WDPCP: variants seen among roughly 807,000 people sequenced by gnomAD.
The protein encoded by WDPCP is WD repeat containing planar cell polarity effector.
Under a neutral mutation model 93.1 loss-of-function variants are expected in WDPCP, and 71 were observed. The observed-to-expected ratio is 0.76, with a 90% CI of 0.63 to 0.93. WDPCP has a LOEUF of 0.93. Ranked by LOEUF, WDPCP falls within the 40% of genes least tolerant of loss-of-function variation. The pLI is 0.00. For synonymous variants in WDPCP, 315 were observed against 315.0 expected, an observed-to-expected ratio of 1.00 and a Z score of 0.00; for missense variants, 844 against 887.4, an observed-to-expected ratio of 0.95 and a Z score of 0.62.
chr2:63,625,948 C>T (rs1709805639), intron 3 of WDPCP, among the ~76,000 whole-genome samples: 1 of 152,166 alleles, frequency 6.6e-6, no homozygotes. Context: ...TACTACAAGG[C>T]TACAGTAACC....
chr2:63,680,274 T>C (rs1264651296), intron 2 of WDPCP, among the ~76,000 whole-genome samples: 1 of 152,238 alleles, frequency 6.6e-6, no homozygotes, highest in Non-Finnish European at 1.5e-5. Flanking sequence ...TAACTTTACA[T>C]AGCTGAAAGA....
At chr2:63,346,733 C>G (rs1395158131) in intron 12 of WDPCP, among the ~76,000 whole-genome samples, 1 of 152,192 alleles carries the variant, frequency 6.6e-6, no homozygotes, top group East Asian at 1.9e-4. Context: ...CTCTCCAGTA[C>G]ACAAACCTGC....
chr2:63,503,918 A>G (rs1013850011), intron 1 of WDPCP, among the ~76,000 whole-genome samples: 1 of 151,912 alleles, frequency 6.6e-6, no homozygotes, highest in Non-Finnish European at 1.5e-5. Flanking sequence ...AAAAAAAAAA[A>G]AAACAGAAAT....
chr2:63,147,491 T>C (rs1406310174), intron 17 of WDPCP, among the ~76,000 whole-genome samples: 1 of 152,106 alleles, frequency 6.6e-6, no homozygotes, highest in Non-Finnish European at 1.5e-5. Context: ...AGTTTGGAGT[T>C]TGAGGGGAAA....
intron 2 of WDPCP, among the ~76,000 whole-genome samples, chr2:63,696,770 T>C (rs1296513926): frequency 6.6e-6 from 1 of 152,222 alleles, no homozygotes; most frequent in African/African-American, 2.4e-5. Flanking sequence ...GTGATTCAGT[T>C]TGGCAAGGAC....
chr2:63,609,218 T>C (rs1396627991), intron 3 of WDPCP, among the ~76,000 whole-genome samples: 1 of 151,984 alleles, frequency 6.6e-6, no homozygotes, highest in Non-Finnish European at 1.5e-5. Flanking sequence ...AATACAAAAA[T>C]TAGTCGGGCA....
chr2:63,559,071 A>G (rs1706370724), intron 1 of WDPCP, among the ~76,000 whole-genome samples: 1 of 152,162 alleles, frequency 6.6e-6, no homozygotes, highest in Admixed American at 6.5e-5. Flanking sequence ...GCACATCAAA[A>G]AGCCTATCCA....
intron 2 of WDPCP, among the ~76,000 whole-genome samples, chr2:63,809,560 T>C (rs899204119): frequency 3.3e-5 from 5 of 152,262 alleles, no homozygotes; most frequent in African/African-American, 1.2e-4. Flanking sequence ...CATTTTGTTC[T>C]GTACCAAGAA....
At chr2:63,339,771 A>G (rs973464112) in intron 12 of WDPCP, among the ~76,000 whole-genome samples, 6 of 152,056 alleles carry the variant, frequency 3.9e-5, no homozygotes, top group African/African-American at 7.2e-5. Flanking sequence ...GTCTTTTCCA[A>G]TGCTTAGAGG....
intron 14 of WDPCP, among the ~76,000 whole-genome samples, chr2:63,248,587 T>C (rs1478769195): frequency 2.0e-5 from 3 of 152,162 alleles, no homozygotes; most frequent in Non-Finnish European, 4.4e-5. Context: ...GGGAGGGTTT[T>C]GGTCATTATT....
At chr2:63,334,431 G>A (rs1688207168) in intron 12 of WDPCP, among the ~76,000 whole-genome samples, 1 of 152,130 alleles carries the variant, frequency 6.6e-6, no homozygotes, top group Non-Finnish European at 1.5e-5. Context: ...CATTGGTTCG[G>A]TCCAGAAAGG....
intron 14 of WDPCP, among the ~76,000 whole-genome samples, chr2:63,244,304 G>C (rs1195589096): frequency 6.6e-6 from 1 of 151,930 alleles, no homozygotes; most frequent in Non-Finnish European, 1.5e-5. Context: ...ATCACACATA[G>C]AGGAACAACA....
intron 2 of WDPCP, among the ~76,000 whole-genome samples, chr2:63,722,672 C>T (rs1575758191): frequency 7.0e-6 from 1 of 142,826 alleles, no homozygotes; most frequent in Non-Finnish European, 1.5e-5. Context: ...GGGGGTCAGC[C>T]CCCCGCCCGG....
At chr2:63,561,853 T>C (rs1253785991) in intron 1 of WDPCP, among the ~76,000 whole-genome samples, 1 of 152,066 alleles carries the variant, frequency 6.6e-6, no homozygotes, top group Non-Finnish European at 1.5e-5. Flanking sequence ...TGGCAGTAAT[T>C]AAAAAGTCAA....
rs747737680 is a variant in WDPCP at position 63,437,545 on chromosome 2, G to C, written c.509C>G (p.Thr170Arg). The change falls in exon 8 of 18, where the codon ACA (threonine) becomes AGA (arginine). Residue 170 changes from threonine (T) to arginine (R), a missense_variant. By Grantham distance (71) the Thr-to-Arg change is moderately conservative. Transcript: ENST00000272321. ...ISDTISDALL[T>R]DSFIILSFLA... ...AAATGATAAGATGATAAAACTGTCT[G>C]TGAGAAGAGCTAAAAAACATAATTA... 6.3e-7 allele frequency: 1 copy of C among 1,588,098 alleles called. No homozygotes were observed. Among genetic ancestry groups the C allele is most frequent in the Non-Finnish European group, 8.6e-7 (1 of 1,167,514 alleles).
chr2:63,306,979 A>G (rs1053002747), intron 13 of WDPCP, among the ~76,000 whole-genome samples: 1 of 152,346 alleles, frequency 6.6e-6, no homozygotes, highest in East Asian at 1.9e-4. Flanking sequence ...ACATGATTGT[A>G]TATTTAGAAA....
At chr2:63,750,674 A>G (rs1362697349) in intron 2 of WDPCP, among the ~76,000 whole-genome samples, 1 of 152,158 alleles carries the variant, frequency 6.6e-6, no homozygotes. Flanking sequence ...TAGTTAGCTA[A>G]AAGTGTTCTT....
chr2:63,326,613 A>G (rs888404504), intron 12 of WDPCP, among the ~76,000 whole-genome samples: 2 of 151,838 alleles, frequency 1.3e-5, no homozygotes, highest in African/African-American at 2.4e-5. Flanking sequence ...AAAGAGACAG[A>G]GAGAGGAAGA....
upstream of WDPCP, chr2:63,589,529 C>T: frequency 1.3e-6 from 1 of 778,676 alleles, no homozygotes; most frequent in South Asian, 1.6e-5. Flanking sequence ...TTACGATCTG[C>T]GTTTGCAGCA....
Sources: allele counts gnomAD v4.1 joint callset (sites outside exome capture counted in the v4.1 genomes callset), GRCh38; gene constraint gnomAD v4.1.1; transcripts MANE v1.5; gene names NCBI Gene and HGNC (gene_info 2026-07-23, HGNC 2026-07-21).